Variants in MAGI2 observed in about 807,000 individuals in gnomAD.
MAGI2 encodes the protein membrane associated guanylate kinase, WW and PDZ domain containing 2, also known as membrane-associated guanylate kinase, WW and PDZ domain-containing protein 2.
A neutral mutation model predicts 133.3 loss-of-function variants in MAGI2; 35 were observed. That is an observed-to-expected ratio of 0.26 (90% confidence interval 0.20 to 0.35). The LOEUF (loss-of-function observed/expected upper bound fraction) is 0.35. MAGI2 is among the 10% of genes least tolerant of loss of function. The pLI is 1.00. For missense variants in MAGI2, 1,636 were observed against 1,863.4 expected, an observed-to-expected ratio of 0.88 and a Z score of 2.25; for synonymous variants, 729 against 710.6, an observed-to-expected ratio of 1.03 and a Z score of -0.41.
Position 78,422,828 on chromosome 7 carries a change from C to T in MAGI2, c.1046-53615G>A, listed in dbSNP as rs145504030. Among the ~76,000 whole-genome samples the T allele has an allele frequency of 4.6e-3, 706 of 152,208 alleles. 14 individuals are homozygous for T. Among genetic ancestry groups the T allele is most frequent in the African/African-American group, 9.1e-3 (379 of 41,542 alleles). On this transcript the variant is annotated intron_variant, in intron 6 of 21. Coordinates refer to ENST00000354212, the MANE Select transcript of MAGI2 (RefSeq NM_012301.4). ...CCTAGTCTTGCACAAAACAGACTCC[C>T]GCTTTTCTGATAGTATTGTTCCAGC... is the stretch of plus-strand genomic sequence containing the variant.
intron 1 of MAGI2, among the ~76,000 whole-genome samples, chr7:79,196,379 C>A (rs976955268): frequency 9.9e-5 from 15 of 151,996 alleles, no homozygotes; most frequent in Non-Finnish European, 1.8e-4. Context: ...TTGCCCCTCT[C>A]TGATTTCAAT....
chr7:78,781,373 C>T (rs184106156), intron 2 of MAGI2, among the ~76,000 whole-genome samples: 2,150 of 109,644 alleles, frequency 0.02, 69 homozygotes, highest in African/African-American at 0.069. Context: ...AGTGAGACTC[C>T]GTCTCACAAA....
intron 3 of MAGI2, among the ~76,000 whole-genome samples, chr7:78,557,977 T>C (rs1237602200): frequency 8.9e-3 from 87 of 9,748 alleles, no homozygotes; most frequent in African/African-American, 0.025. Flanking sequence ...TTGGAACTCT[T>C]TTTTTTTTTT....
chr7:79,109,670 C>A (rs910248742), intron 1 of MAGI2, among the ~76,000 whole-genome samples: 1 of 152,182 alleles, frequency 6.6e-6, no homozygotes, highest in African/African-American at 2.4e-5. Flanking sequence ...AATAGGAATA[C>A]AAGCAGGCTG....
At chr7:78,923,508 A>G (rs1445318944) in intron 2 of MAGI2, among the ~76,000 whole-genome samples, 1 of 152,112 alleles carries the variant, frequency 6.6e-6, no homozygotes, top group East Asian at 1.9e-4. Context: ...AGTTGTAGAT[A>G]AGCGGCGTTA....
At chr7:78,937,852 G>T (rs544765796) in intron 2 of MAGI2, among the ~76,000 whole-genome samples, 8 of 152,206 alleles carry the variant, frequency 5.3e-5, no homozygotes. Context: ...AACCTCCCAA[G>T]ATTTTGGTGG....
intron 16 of MAGI2, among the ~76,000 whole-genome samples, chr7:78,157,054 C>T (rs533949551): frequency 3.7e-4 from 57 of 152,258 alleles, no homozygotes; most frequent in African/African-American, 7.0e-4. Context: ...TTACCATTCA[C>T]GAGACACTTC....
chr7:78,480,311 A>T (rs972544), intron 6 of MAGI2, among the ~76,000 whole-genome samples: 3 of 151,174 alleles, frequency 2.0e-5, no homozygotes, highest in African/African-American at 7.3e-5. Flanking sequence ...CAGAAGATGA[A>T]GGAATGCTTA....
chr7:78,649,003 CA>C (rs1811206253), intron 2 of MAGI2, among the ~76,000 whole-genome samples: 1 of 151,832 alleles, frequency 6.6e-6, no homozygotes, highest in South Asian at 2.1e-4. Flanking sequence ...TTAGCCATTT[CA>C]ACATTCTTCA....
chr7:78,936,145 A>G (rs1800497148), intron 2 of MAGI2, among the ~76,000 whole-genome samples: 1 of 152,120 alleles, frequency 6.6e-6, no homozygotes, highest in Non-Finnish European at 1.5e-5. Flanking sequence ...GCATTCAACA[A>G]TGTATGTAAG....
At chr7:78,166,147 G>A (rs1313171912) in intron 15 of MAGI2, among the ~76,000 whole-genome samples, 2 of 152,186 alleles carry the variant, frequency 1.3e-5, no homozygotes, top group Non-Finnish European at 2.9e-5. Flanking sequence ...TCCACAAATT[G>A]CAGGAATACA....
intron 2 of MAGI2, among the ~76,000 whole-genome samples, chr7:78,951,735 T>A (rs1220234822): frequency 6.6e-6 from 1 of 152,186 alleles, no homozygotes; most frequent in Non-Finnish European, 1.5e-5. Flanking sequence ...AAAATTTTCT[T>A]TTAATTCATG....
chr7:78,539,421 T>C (rs1325192464), intron 3 of MAGI2, among the ~76,000 whole-genome samples: 2 of 152,164 alleles, frequency 1.3e-5, no homozygotes, highest in Non-Finnish European at 2.9e-5. Context: ...TTCACTAGCA[T>C]TGTGTTGAGA....
intron 2 of MAGI2, among the ~76,000 whole-genome samples, chr7:78,734,024 C>G (rs544665731): frequency 6.6e-6 from 1 of 152,100 alleles, no homozygotes; most frequent in African/African-American, 2.4e-5. Flanking sequence ...GTAAACATAA[C>G]AACTATATGG....
intron 1 of MAGI2, among the ~76,000 whole-genome samples, chr7:79,017,230 TGAGTTAGGTTCCTAACCTCCAGG>T (rs1808827809): frequency 6.6e-6 from 1 of 152,116 alleles, no homozygotes; most frequent in African/African-American, 2.4e-5. Context: ...GCCCCTCCAG[TGAGTTAGGTTCCTAACCTCCAGG>T]GGCCACAGAA....
chr7:78,457,129 G>T (rs2151497634), intron 6 of MAGI2, among the ~76,000 whole-genome samples: 1 of 152,302 alleles, frequency 6.6e-6, no homozygotes, highest in South Asian at 2.1e-4. Context: ...GGATGTCAGG[G>T]AGAGCTGCTT....
intron 1 of MAGI2, among the ~76,000 whole-genome samples, chr7:79,207,555 T>C (rs542309877): frequency 6.6e-6 from 1 of 151,938 alleles, no homozygotes; most frequent in East Asian, 1.9e-4. Context: ...CTGAAAGAAA[T>C]TGAAGACACA....
intron 2 of MAGI2, among the ~76,000 whole-genome samples, chr7:78,898,990 T>C (rs753641488): frequency 3.3e-5 from 5 of 152,168 alleles, no homozygotes; most frequent in African/African-American, 7.2e-5. Context: ...AATTTGGCCA[T>C]GTAGAAGTAT....
chr7:78,924,496 T>G (rs986097308), intron 2 of MAGI2, among the ~76,000 whole-genome samples: 2 of 152,156 alleles, frequency 1.3e-5, no homozygotes, highest in African/African-American at 4.8e-5. Flanking sequence ...CTGGATTACA[T>G]TTATTGATTT....
Sources: gnomAD v4.1 joint callset for allele counts (sites outside exome capture counted in the v4.1 genomes callset) on GRCh38, gnomAD v4.1.1 for gene constraint, MANE v1.5 for transcripts, NCBI Gene and HGNC (gene_info 2026-07-23, HGNC 2026-07-21) for gene names.